RNF212B: variants seen among roughly 807,000 people sequenced by gnomAD.
RNF212B encodes the protein ring finger protein 212B.
RNF212B carries 52 observed loss-of-function variants against 55.5 expected under a neutral mutation model. The ratio of observed to expected loss-of-function variants is 0.94; its 90% CI spans 0.75 to 1.18. RNF212B has a LOEUF of 1.18. Ranked by LOEUF, RNF212B falls within the 50% of genes most tolerant of loss-of-function variation. The pLI is 0.00. For synonymous variants in RNF212B, 99 were observed against 121.4 expected, an observed-to-expected ratio of 0.82 and a Z score of 1.21; for missense variants, 289 against 350.4, an observed-to-expected ratio of 0.82 and a Z score of 1.40.
At chr14:23,255,447 T>C (rs1022001281) in intron 4 of RNF212B, among the ~76,000 whole-genome samples, 1 of 152,212 alleles carries the variant, frequency 6.6e-6, no homozygotes, top group Admixed American at 6.5e-5. Flanking sequence ...TAGAAGTAGA[T>C]AGTTTCATAC....
At chr14:23,207,181 G>A (rs1879932172) in intron 2 of RNF212B, among the ~76,000 whole-genome samples, 1 of 152,156 alleles carries the variant, frequency 6.6e-6, no homozygotes, top group Non-Finnish European at 1.5e-5. Flanking sequence ...CACAACATAC[G>A]ATTTCTGAGT....
Position 23,202,692 on chromosome 14 carries a change from A to G in RNF212B, c.-2+9291A>G, listed in dbSNP as rs536772211. On this transcript the variant is annotated intron_variant, in intron 2 of 15. Coordinates refer to the RNF212B transcript ENST00000399910. ...CGGTGAAACCCTGTCTCTACTAAAA[A>G]TACAAAAAATTAGCCGGGCATGGTG... Among the ~76,000 whole-genome samples, 201 of 152,250 alleles carry G rather than the reference A, an allele frequency of 1.3e-3. 1 individual carries two copies. Among genetic ancestry groups the G allele is most frequent in the African/African-American group, 4.4e-3 (183 of 41,548 alleles).
At chr14:23,191,517 T>C (rs1878122335) in intron 1 of RNF212B, among the ~76,000 whole-genome samples, 1 of 152,118 alleles carries the variant, frequency 6.6e-6, no homozygotes. Flanking sequence ...TAGTTGGTTT[T>C]TCTAGGGGGT....
intron 9 of RNF212B, among the ~76,000 whole-genome samples, chr14:23,263,955 G>A (rs1288117371): frequency 2.0e-5 from 3 of 152,052 alleles, no homozygotes; most frequent in African/African-American, 4.8e-5. Context: ...GGGCATGGTG[G>A]TGCACGCCTG....
intron 4 of RNF212B, 143 bp downstream of exon 4, chr14:23,244,539 A>T (rs904223823): frequency 3.6e-6 from 2 of 562,992 alleles, no homozygotes; most frequent in South Asian, 2.3e-5. Flanking sequence ...TTCCTTGATG[A>T]TACAAATTTC....
chr14:23,226,789 T>C (rs1376234882), intron 2 of RNF212B, among the ~76,000 whole-genome samples: 3 of 144,144 alleles, frequency 2.1e-5, no homozygotes, highest in Non-Finnish European at 4.5e-5. Flanking sequence ...TCTTTTTTTT[T>C]CCTTTCCTTC....
At chr14:23,222,700 AT>A (rs1174984823) in intron 2 of RNF212B, among the ~76,000 whole-genome samples, 1 of 152,208 alleles carries the variant, frequency 6.6e-6, no homozygotes, top group Non-Finnish European at 1.5e-5. Context: ...TATGGCCAAT[AT>A]CTCTGATGAA....
intron 2 of RNF212B, among the ~76,000 whole-genome samples, chr14:23,229,220 TTATATATATATATATATA>T (rs61656270): frequency 0.025 from 1,609 of 65,076 alleles, 71 homozygotes; most frequent in African/African-American, 0.061. Context: ...GAATAATATT[TTATATATATATATATATA>T]TATATATATA....
intron 5 of RNF212B, among the ~76,000 whole-genome samples, chr14:23,258,998 A>C (rs1234630342): frequency 4.0e-5 from 6 of 151,420 alleles, no homozygotes; most frequent in Non-Finnish European, 7.4e-5. Flanking sequence ...CCTGGGCAAC[A>C]CAGCGAGACT....
At chr14:23,258,737 G>A (rs1885055445) in intron 5 of RNF212B, 73 bp downstream of exon 5, 1 of 617,874 alleles carries the variant, frequency 1.6e-6, no homozygotes, top group African/African-American at 2.0e-5. Context: ...TCCTTATTGT[G>A]TTTGCAAAGC....
chr14:23,238,780 A>AATAATCATCATCATC (rs1343117592), intron 1 of RNF212B, among the ~76,000 whole-genome samples: 199 of 145,664 alleles, frequency 1.4e-3, no homozygotes, highest in Non-Finnish European at 2.1e-3. Context: ...TAATAATAAT[A>AATAATCATCATCATC]ATCCCACAAA....
chr14:23,231,645 C>G (rs867597133), intron 2 of RNF212B, among the ~76,000 whole-genome samples: 17 of 151,956 alleles, frequency 1.1e-4, no homozygotes, highest in African/African-American at 3.9e-4. Flanking sequence ...CCTCTCCCCA[C>G]GGTCTCCCTC....
chr14:23,266,022 A>C (rs967067514), intron 11 of RNF212B, among the ~76,000 whole-genome samples: 1 of 151,914 alleles, frequency 6.6e-6, no homozygotes, highest in Admixed American at 6.6e-5. Context: ...TGTTGCCCAG[A>C]CTGGAGTGCA....
intron 2 of RNF212B, among the ~76,000 whole-genome samples, chr14:23,226,231 G>A (rs1205017648): frequency 6.7e-6 from 1 of 149,758 alleles, no homozygotes. Flanking sequence ...CCAGGAGGCG[G>A]AGGTTGCAGT....
intron 2 of RNF212B, among the ~76,000 whole-genome samples, chr14:23,225,788 T>C (rs1881947426): frequency 6.6e-6 from 1 of 152,102 alleles, no homozygotes; most frequent in Admixed American, 6.5e-5. Context: ...TAATCATACA[T>C]TTAAAAATAA....
At chr14:23,226,037 C>T (rs188436542) in intron 2 of RNF212B, among the ~76,000 whole-genome samples, 7 of 151,880 alleles carry the variant, frequency 4.6e-5, no homozygotes, top group African/African-American at 7.3e-5. Context: ...CGGTGGCTCA[C>T]GCCTGTAATC....
rs568339561 is a variant in RNF212B at position 23,206,909 on chromosome 14, C to T, written c.-2+13508C>T. Among the ~76,000 whole-genome samples, 38 of 149,880 alleles carry T rather than the reference C, an allele frequency of 2.5e-4. No individual in the cohort carries two copies. In the South Asian group the frequency reaches 4.8e-3, roughly 19 times the overall value. On this transcript the variant is annotated intron_variant, in intron 2 of 15. Coordinates refer to the RNF212B transcript ENST00000399910. ...GAGAAGAAAAAGAAAAACAAACTTT[C>T]GTTAAAAAAAAAAAGACAAGGTCTT...
intron 2 of RNF212B, among the ~76,000 whole-genome samples, chr14:23,218,742 A>G (rs1881310297): frequency 6.6e-6 from 1 of 152,226 alleles, no homozygotes; most frequent in Admixed American, 6.5e-5. Flanking sequence ...CTTAAAGAGG[A>G]GGTAGAGAAA....
intron 2 of RNF212B, among the ~76,000 whole-genome samples, chr14:23,213,199 G>A (rs1444975054): frequency 6.6e-6 from 1 of 151,932 alleles, no homozygotes; most frequent in African/African-American, 2.4e-5. Context: ...TGTAGTCCCA[G>A]CTACTCGGGA....
Sources: gnomAD v4.1 joint callset for allele counts (sites outside exome capture counted in the v4.1 genomes callset) on GRCh38, gnomAD v4.1.1 for gene constraint, MANE v1.5 for transcripts, NCBI Gene and HGNC (gene_info 2026-07-23, HGNC 2026-07-21) for gene names.